The following LRRK1 variants were observed in gnomAD, a reference collection of about 807,000 sequenced individuals.
LRRK1 encodes leucine-rich repeat serine/threonine-protein kinase 1.
A neutral mutation model predicts 209.1 loss-of-function variants in LRRK1; 113 were observed. The observed-to-expected ratio is 0.54, with a 90% CI of 0.46 to 0.63. The LOEUF is 0.63. Among genes scored for constraint, LRRK1 ranks in the 30% least tolerant of loss-of-function variants. The probability of loss-of-function intolerance (pLI) is 0.00; values close to 1 mark genes in which losing one functional copy is unlikely to be tolerated. For synonymous variants in LRRK1, 1,144 were observed against 1,099.7 expected, an observed-to-expected ratio of 1.04 and a Z score of -0.80; for missense variants, 2,284 against 2,632.2, an observed-to-expected ratio of 0.87 and a Z score of 2.89.
chr15:100,921,549 AACTG>A (rs1169379316), intron 1 of LRRK1, among the ~76,000 whole-genome samples: 2 of 72,538 alleles, frequency 2.8e-5, no homozygotes, highest in African/African-American at 2.6e-4. Flanking sequence ...TCTAACTTCT[AACTG>A]ATATCGACAG....
At chr15:101,026,767 C>T (rs1410242100) in intron 17 of LRRK1, among the ~76,000 whole-genome samples, 1 of 152,226 alleles carries the variant, frequency 6.6e-6, no homozygotes, top group Non-Finnish European at 1.5e-5. Flanking sequence ...GCATTATCTG[C>T]ACTGATGGCT....
chr15:100,987,044 C>T (rs1479495011), intron 4 of LRRK1, among the ~76,000 whole-genome samples: 1 of 152,192 alleles, frequency 6.6e-6, no homozygotes, highest in Non-Finnish European at 1.5e-5. Context: ...TTCTCTTACC[C>T]AGATATTCTT....
In LRRK1 at chr15:100,989,278, T is replaced by G. The variant is rs1238946241; in HGVS notation, c.642T>G (p.Leu214=). 1 of 1,614,202 alleles carries G rather than the reference T, an allele frequency of 6.2e-7. No individual in the cohort carries two copies. Among genetic ancestry groups the G allele is most frequent in the Non-Finnish European group, 8.5e-7 (1 of 1,180,014 alleles). Reference sequence around the variant, plus strand: ...ATGAAGACATTGCAATATTCCTGCTTCGGCATGGGGCCTATTTCTGTTCCT... The same window carrying G: ...ATGAAGACATTGCAATATTCCTGCTGCGGCATGGGGCCTATTTCTGTTCCT... ...SGNEDIAIFL[L]RHGAYFCSYI... is the part of the protein sequence containing the mutation. The change falls in exon 6 of 34, where the codon CTT becomes CTG. Residue 214 remains leucine, a synonymous_variant. Transcript: ENST00000388948.
Position 101,021,876 on chromosome 15 carries a change from C to T in LRRK1, c.1771C>T (p.Leu591=). The T allele has an allele frequency of 1.2e-6, 2 of 1,614,012 alleles. No homozygotes were observed. Among genetic ancestry groups the T allele is most frequent in the Non-Finnish European group, 1.7e-6 (2 of 1,179,978 alleles). Residue 591 remains leucine (L), a synonymous_variant, in exon 14 of 34, where the codon CTG becomes TTG. Transcript: ENST00000388948. ...TGGCCTCCGGGAGCTCCCTCCTGAG[C>T]TGGGGCAGCTGGGCAACCTCTGGCA... ...NPGLRELPPE[L]GQLGNLWQLD... is the part of the protein sequence containing the mutation.
At chr15:101,049,057 G>A (rs950062420) in intron 22 of LRRK1, among the ~76,000 whole-genome samples, 10 of 152,256 alleles carry the variant, frequency 6.6e-5, no homozygotes, top group African/African-American at 2.4e-4. Flanking sequence ...AGACTCCTCA[G>A]CCCCCATCTC....
chr15:100,948,248 G>A (rs2042580119), intron 2 of LRRK1, among the ~76,000 whole-genome samples: 1 of 152,120 alleles, frequency 6.6e-6, no homozygotes, highest in African/African-American at 2.4e-5. Flanking sequence ...CAGCCCCTCG[G>A]CACCCCTTCC....
chr15:101,056,718 G>C (rs1174134683), intron 27 of LRRK1, 138 bp from the exon 28 acceptor site: 5 of 607,486 alleles, frequency 8.2e-6, no homozygotes, highest in Non-Finnish European at 1.4e-5. Context: ...TAAATGGATA[G>C]AGGGACATGG....
In LRRK1 at chr15:101,071,981, G is replaced by C. The variant is rs1455632160; in HGVS notation, c.*3133G>C. 2 of 152,332 alleles carry C rather than the reference G, an allele frequency of 1.3e-5. No individual in the cohort carries two copies. Among genetic ancestry groups the C allele is most frequent in the African/African-American group, 2.4e-5 (1 of 41,452 alleles). 9.4% of individuals were successfully genotyped at this position (152,332 alleles called of 1,614,324 possible). ...AAGCCACTGTGTGGGAGGGACAGGA[G>C]AGCCTGGCGTGGCTGCGGCCTTGAA... On this transcript the variant is annotated 3_prime_UTR_variant, in exon 34 of 34. Coordinates refer to ENST00000388948, the MANE Select transcript of LRRK1 (RefSeq NM_024652.6).
chr15:100,920,841 A>G (rs1304597132), intron 1 of LRRK1, among the ~76,000 whole-genome samples: 2 of 152,088 alleles, frequency 1.3e-5, no homozygotes, highest in Admixed American at 6.5e-5. Context: ...ACTGGCACGC[A>G]ATCCAGGAGA....
chr15:100,928,297 T>C (rs1440284398), intron 2 of LRRK1, among the ~76,000 whole-genome samples: 1 of 152,226 alleles, frequency 6.6e-6, no homozygotes, highest in East Asian at 1.9e-4. Context: ...AATACTTGAC[T>C]TACTATGACT....
In LRRK1 at chr15:101,021,416, G is replaced by T. The variant is rs138323821; in HGVS notation, c.1739+234G>T. ...TACATCACTTGGGCTGTGATGAGGA[G>T]AACCACTCAATCATTCATCCTTTCA... On this transcript the variant is annotated intron_variant, in intron 13 of 33. Coordinates refer to ENST00000388948, the MANE Select transcript of LRRK1 (RefSeq NM_024652.6). Among the ~76,000 whole-genome samples the T allele has an allele frequency of 4.5e-4, 68 of 152,322 alleles. 4 individuals are homozygous for T. The East Asian group carries it at 7.7e-3, about 17-fold the overall frequency.
intron 5 of LRRK1, 106 bp from the exon 6 acceptor site, chr15:100,989,144 G>A: frequency 1.0e-6 from 1 of 996,508 alleles, no homozygotes; most frequent in Non-Finnish European, 1.5e-6. Flanking sequence ...AGTCCAACAT[G>A]CACAAGTACC....
intron 12 of LRRK1, among the ~76,000 whole-genome samples, chr15:101,017,549 T>G (rs1285481384): frequency 1.3e-5 from 2 of 152,190 alleles, no homozygotes; most frequent in Non-Finnish European, 2.9e-5. Flanking sequence ...CGCCACCTCC[T>G]GTCAGATCAG....
Position 101,066,114 on chromosome 15 carries a change from C to G in LRRK1, c.5677C>G (p.His1893Asp). The G allele has an allele frequency of 1.2e-6, 2 of 1,614,124 alleles. No individual in the cohort carries two copies. The highest frequency in any genetic ancestry group is 1.3e-5 in the African/African-American group (1 of 75,060). The stretch of plus-strand genomic sequence containing the variant: ...CGGTGCTGCCTCCGACAGGTCTGAG[C>G]ATGACCTGACCCCCATGGACGGGGA... ...TPGAASDRSE[H>D]DLTPMDGETF... is the part of the protein sequence containing the mutation. The change falls in exon 32 of 34, where the codon CAT becomes GAT. Residue 1893 changes from histidine to aspartate, a missense_variant. Physicochemically the swap from His to Asp is moderately conservative, Grantham distance 81. Around this residue, in one of 6 missense-constraint regions of LRRK1, gnomAD observed 643 missense variants for 695.9 expected, o/e 0.92. Coordinates refer to ENST00000388948, the MANE Select transcript of LRRK1 (RefSeq NM_024652.6).
intron 2 of LRRK1, among the ~76,000 whole-genome samples, chr15:100,970,504 G>C (rs1360947108): frequency 1.3e-5 from 2 of 152,144 alleles, no homozygotes; most frequent in Non-Finnish European, 2.9e-5. Flanking sequence ...GGAGCCATTT[G>C]TCTATACCAG....
intron 13 of LRRK1, 44 bp downstream of exon 13, chr15:101,021,226 G>A (rs2033770653): frequency 1.2e-6 from 2 of 1,608,834 alleles, no homozygotes; most frequent in Admixed American, 1.7e-5. Context: ...TGCTGGCCCA[G>A]AGAGGCAGAA....
chr15:101,040,232 A>C (rs545422989), intron 20 of LRRK1, among the ~76,000 whole-genome samples: 7 of 152,198 alleles, frequency 4.6e-5, no homozygotes, highest in South Asian at 2.1e-4. Context: ...TTTATTAGCT[A>C]TAGGGTTATT....
At chr15:100,949,943 C>T (rs1273244955) in intron 2 of LRRK1, among the ~76,000 whole-genome samples, 1 of 152,088 alleles carries the variant, frequency 6.6e-6, no homozygotes, top group African/African-American at 2.4e-5. Context: ...ACTGCTTTCT[C>T]CCTAACATCA....
At chr15:101,035,734 T>C (rs1405956692) in intron 20 of LRRK1, among the ~76,000 whole-genome samples, 2 of 152,202 alleles carry the variant, frequency 1.3e-5, no homozygotes, top group Non-Finnish European at 2.9e-5. Flanking sequence ...TGTTCCTTTA[T>C]TTCTCTCTTA....
Sources: allele counts gnomAD v4.1 joint callset (sites outside exome capture counted in the v4.1 genomes callset), GRCh38; gene constraint gnomAD v4.1.1; regional missense constraint gnomAD v4.1.1; transcripts MANE v1.5; gene names NCBI Gene and HGNC (gene_info 2026-07-23, HGNC 2026-07-21).